ARHGAP6: variants seen among roughly 807,000 people sequenced by gnomAD.
ARHGAP6 encodes rho GTPase-activating protein 6.
Under a neutral mutation model 55.7 loss-of-function variants are expected in ARHGAP6, and 16 were observed. The ratio of observed to expected loss-of-function variants is 0.29; its 90% CI spans 0.19 to 0.44. ARHGAP6 has a LOEUF of 0.44. Among genes scored for constraint, ARHGAP6 ranks in the 20% least tolerant of loss-of-function variants. ARHGAP6 has a pLI of 1.00. For synonymous variants in ARHGAP6, 382 were observed against 360.9 expected (o/e 1.06, Z -0.66); for missense variants, 698 against 808.9 (o/e 0.86, Z 1.66).
chrX:11,387,870 A>G (rs778883610), intron 1 of ARHGAP6, among the ~76,000 whole-genome samples: 1 of 111,797 alleles, frequency 8.9e-6, no homozygotes, highest in African/African-American at 3.3e-5. Flanking sequence ...ATGTCCCTAC[A>G]AAGGACATGA....
At chrX:11,173,089 G>A (rs1041094713) in intron 8 of ARHGAP6, among the ~76,000 whole-genome samples, 1 of 112,177 alleles carries the variant, frequency 8.9e-6, no homozygotes, top group African/African-American at 3.2e-5. Flanking sequence ...AAAGCTCAGA[G>A]CCAGGAGATG....
At chrX:11,581,704 T>C (rs1036470015) in intron 1 of ARHGAP6, among the ~76,000 whole-genome samples, 1 of 111,082 alleles carries the variant, frequency 9.0e-6, no homozygotes, top group Non-Finnish European at 1.9e-5. Flanking sequence ...GTGTGAAATG[T>C]CCGGAATAGG....
At chrX:11,421,406 C>G (rs1269171178) in intron 1 of ARHGAP6, among the ~76,000 whole-genome samples, 1 of 111,707 alleles carries the variant, frequency 9.0e-6, no homozygotes, top group Admixed American at 9.5e-5. Context: ...CCTGTGGCAA[C>G]CCCTGCCAGT....
At chrX:11,172,620 G>A (rs1232735477) in intron 8 of ARHGAP6, among the ~76,000 whole-genome samples, 1 of 111,809 alleles carries the variant, frequency 8.9e-6, no homozygotes, top group Non-Finnish European at 1.9e-5. Flanking sequence ...GCTATTCTGG[G>A]AATGGAATAC....
intron 1 of ARHGAP6, among the ~76,000 whole-genome samples, chrX:11,652,822 AT>A (rs1328588523): frequency 8.9e-6 from 1 of 111,805 alleles, no homozygotes; most frequent in Non-Finnish European, 1.9e-5. Flanking sequence ...CATAGATGGG[AT>A]TTAAGCACGA....
rs751155119 is a variant in ARHGAP6, at chrX:11,430,344, G to A, written c.589-175637C>T. On this transcript the variant is annotated intron_variant, in intron 1 of 12. Coordinates refer to ENST00000337414, the MANE Select transcript of ARHGAP6 (RefSeq NM_013427.3). ...TTTATTGCTAAAGTGTCATAGCTAA[G>A]TTGGAGTAAAATGTTCAAGTGCAAT... 6.2e-5 allele frequency among the ~76,000 whole-genome samples: 7 copies of A among 112,720 alleles called. No homozygotes were observed. The South Asian group carries it at 2.6e-3, about 41-fold the overall frequency.
intron 2 of ARHGAP6, among the ~76,000 whole-genome samples, chrX:11,208,147 T>C (rs1024672998): frequency 2.7e-5 from 3 of 111,460 alleles, no homozygotes; most frequent in Non-Finnish European, 5.6e-5. Context: ...TCAGGATATC[T>C]AGAATTTGGA....
Position 11,138,541 on chromosome X carries a change from G to T in ARHGAP6, c.*322C>A. The T allele has an allele frequency of 6.8e-6, 2 of 292,910 alleles. No homozygotes were observed. Among genetic ancestry groups the T allele is most frequent in the East Asian group, 6.6e-5 (1 of 15,077 alleles). The allele number at this position is 292,910 out of a possible 1,213,427, so 24.1% of individuals were successfully genotyped here. A position where few individuals can be genotyped will look rare whatever the true frequency, so the allele number is the denominator to read the frequency against. On this transcript the variant is annotated 3_prime_UTR_variant, in exon 13 of 13. Coordinates refer to ENST00000337414, the MANE Select transcript of ARHGAP6 (RefSeq NM_013427.3). Reference sequence around the variant, plus strand: ...TACAGAATACACAATAGTCAAAACCGAAGACACATAAATACGGTTAGGCTA... The same window carrying T: ...TACAGAATACACAATAGTCAAAACCTAAGACACATAAATACGGTTAGGCTA...
chrX:11,346,739 G>GAAAGAAAGAAAGAAAGAAAA (rs2048791445), intron 1 of ARHGAP6, among the ~76,000 whole-genome samples: 1 of 107,909 alleles, frequency 9.3e-6, no homozygotes, highest in Non-Finnish European at 1.9e-5. Context: ...AAGAAAGAAA[G>GAAAGAAAGAAAGAAAGAAAA]AAAGAAAGAA....
intron 1 of ARHGAP6, among the ~76,000 whole-genome samples, chrX:11,385,704 T>C (rs926162216): frequency 1.8e-5 from 2 of 112,005 alleles, no homozygotes; most frequent in African/African-American, 6.5e-5. Context: ...AGTTTAAATT[T>C]TGTAAGGAAT....
rs888567691 is a variant in ARHGAP6, at chrX:11,346,551, C to G, written c.589-91844G>C. Among the ~76,000 whole-genome samples the G allele has an allele frequency of 2.7e-5, 3 of 110,436 alleles. No homozygotes were observed. In the Admixed American group the frequency reaches 2.9e-4, roughly 11 times the overall value. On this transcript the variant is annotated intron_variant, in intron 1 of 12. Coordinates refer to ENST00000337414, the MANE Select transcript of ARHGAP6 (RefSeq NM_013427.3). ...TGGGTAACATGGCAAAACTCTGTCT[C>G]TACAAAAATTAGCCAGGCATGCTGG...
intron 1 of ARHGAP6, among the ~76,000 whole-genome samples, chrX:11,547,940 T>C (rs1285071040): frequency 9.0e-6 from 1 of 111,398 alleles, no homozygotes; most frequent in East Asian, 2.8e-4. Flanking sequence ...GTTAGAGCAA[T>C]GGCTGGCCAC....
chrX:11,243,963 T>G (rs1382144804), intron 2 of ARHGAP6, among the ~76,000 whole-genome samples: 1 of 111,824 alleles, frequency 8.9e-6, no homozygotes, highest in Non-Finnish European at 1.9e-5. Context: ...TATTAAGTTT[T>G]GCACACTGTC....
chrX:11,378,243 A>G (rs1378115694), intron 1 of ARHGAP6, among the ~76,000 whole-genome samples: 1 of 112,609 alleles, frequency 8.9e-6, no homozygotes, highest in Non-Finnish European at 1.9e-5. Flanking sequence ...TATTTCACAT[A>G]TCATAAAATT....
intron 1 of ARHGAP6, among the ~76,000 whole-genome samples, chrX:11,460,326 G>C (rs1431624811): frequency 9.0e-6 from 1 of 111,436 alleles, no homozygotes; most frequent in African/African-American, 3.3e-5. Context: ...TTCTGCAATG[G>C]TAAGAAGCTA....
At chrX:11,491,959 G>A (rs1370703530) in intron 1 of ARHGAP6, among the ~76,000 whole-genome samples, 4 of 108,305 alleles carry the variant, frequency 3.7e-5, no homozygotes, top group Non-Finnish European at 7.6e-5. Flanking sequence ...TTTCTCTGAT[G>A]GCCAGTGATG....
At chrX:11,644,772 A>T (rs2052510123) in intron 1 of ARHGAP6, among the ~76,000 whole-genome samples, 1 of 111,924 alleles carries the variant, frequency 8.9e-6, no homozygotes, top group Non-Finnish European at 1.9e-5. Flanking sequence ...CACCCTGGAA[A>T]ATAGTTTGAT....
At chrX:11,618,024 G>A (rs1429961516) in intron 1 of ARHGAP6, among the ~76,000 whole-genome samples, 3 of 111,797 alleles carry the variant, frequency 2.7e-5, no homozygotes, top group Non-Finnish European at 5.6e-5. Context: ...GGGAAAGAGG[G>A]AGGCAGGAGA....
At chrX:11,401,898 T>C (rs2049553756) in intron 1 of ARHGAP6, among the ~76,000 whole-genome samples, 1 of 112,330 alleles carries the variant, frequency 8.9e-6, no homozygotes, top group Admixed American at 9.4e-5. Context: ...TTTCATTGCA[T>C]ACATATATAC....
Sources: gnomAD v4.1 joint callset for allele counts (sites outside exome capture counted in the v4.1 genomes callset) on GRCh38, gnomAD v4.1.1 for gene constraint, MANE v1.5 for transcripts, NCBI Gene and HGNC (gene_info 2026-07-23, HGNC 2026-07-21) for gene names.